Variants in TYK2 observed in about 807,000 individuals in gnomAD.
The protein encoded by TYK2 is non-receptor tyrosine-protein kinase TYK2.
A neutral mutation model predicts 130.9 loss-of-function variants in TYK2; 65 were observed. The ratio of observed to expected loss-of-function variants is 0.50; its 90% CI spans 0.41 to 0.61. TYK2 has a LOEUF of 0.61. Ranked by LOEUF, TYK2 falls within the 20% of genes least tolerant of loss-of-function variation. The pLI, the probability that TYK2 is intolerant of heterozygous loss-of-function variation, is 0.00. For missense variants in TYK2, 1,378 were observed against 1,610.7 expected, an observed-to-expected ratio of 0.86 and a Z score of 2.47; for synonymous variants, 647 against 658.9, an observed-to-expected ratio of 0.98 and a Z score of 0.28.
rs752284825 is a variant in TYK2, at chr19:10,365,589, G to C, written c.939C>G (p.Thr313=). ...CAGTGCCTGTCACCAGCACCTCGTG[G>C]GTTGGGGGCCCAGCAGCAGACTCAG... is the stretch of plus-strand genomic sequence containing the variant. The part of the protein sequence containing the change: ...PGPESAAGPP[T]HEVLVTGTGG... The change falls in exon 7 of 25, where the codon ACC becomes ACG. Residue 313 remains threonine, a synonymous_variant. Transcript: ENST00000525621. 5 of 1,614,002 alleles carry C rather than the reference G, an allele frequency of 3.1e-6. No homozygotes were observed. Among genetic ancestry groups the C allele is most frequent in the Non-Finnish European group, 4.2e-6 (5 of 1,180,038 alleles).
chr19:10,356,059 A>G (rs546589735), intron 18 of TYK2, among the ~76,000 whole-genome samples: 2 of 151,818 alleles, frequency 1.3e-5, no homozygotes, highest in South Asian at 2.1e-4. Flanking sequence ...TCTCTAATCC[A>G]AAGAAGTTGT....
At chr19:10,357,515 G>A (rs1019888846) in intron 17 of TYK2, 1 of 711,976 alleles carries the variant, frequency 1.4e-6, no homozygotes, top group Non-Finnish European at 2.5e-6. Context: ...CGCTGCCCTG[G>A]TCACTCTGCC....
chr19:10,354,471 C>A (rs764013489), intron 19 of TYK2, 41 bp downstream of exon 19: 1 of 1,583,826 alleles, frequency 6.3e-7, no homozygotes, highest in Non-Finnish European at 8.7e-7. Flanking sequence ...AACTCCTTCC[C>A]GACCAGGCGG....
At position 10,362,127 on chromosome 19, in the gene TYK2, T is replaced by C. The variant is rs1568334430; in HGVS notation, c.1724A>G (p.Asn575Ser). The C allele has an allele frequency of 6.2e-7, 1 of 1,613,910 alleles. No homozygotes were observed. The highest frequency in any genetic ancestry group is 8.5e-7 in the Non-Finnish European group (1 of 1,179,968). ...RGARASPRTL[N>S]LSQLSFHRVD... ...CCGGTGGAAGCTGAGCTGGCTGAGG[T>C]TGAGTGTCCTGGGGCTGGCCCGAGC... Residue 575 changes from asparagine (N) to serine (S), a missense_variant, in exon 12 of 25, where the codon AAC becomes AGC. Asn to Ser is a conservative substitution (Grantham distance 46). Transcript: ENST00000525621.
At chr19:10,377,358 GGATGGATGGATGGATA>G (rs1220190415) in intron 3 of TYK2, among the ~76,000 whole-genome samples, 1 of 149,484 alleles carries the variant, frequency 6.7e-6, no homozygotes, top group Non-Finnish European at 1.5e-5. Flanking sequence ...ATGGATGGAT[GGATGGATGGATGGATA>G]GATGGATGAA....
In TYK2 at chr19:10,352,456, TCA is replaced by T. The variant is rs1453713240; in HGVS notation, c.3294_3295del (p.Cys1098Ter). On this transcript the variant is annotated stop_gained and frameshift_variant, in exon 23 of 25. Transcript: ENST00000525621. LOFTEE classifies it high-confidence loss of function. ...CACCGTGGGGGGGCTCTGGCTGGAG[TCA>T]CAGTGCGTCAGCAGCTCATACAGGG... The T allele has an allele frequency of 6.2e-7, 1 of 1,609,520 alleles. No individual in the cohort carries two copies. The highest frequency in any genetic ancestry group is 2.2e-5 in the East Asian group (1 of 44,674).
rs886054132 is a variant in TYK2, at chr19:10,354,503, G to A, written c.2715+9C>T. The A allele has an allele frequency of 6.2e-7, 1 of 1,613,502 alleles. No individual in the cohort carries two copies. Among genetic ancestry groups the A allele is most frequent in the Non-Finnish European group, 8.5e-7 (1 of 1,179,532 alleles). On this transcript the variant is annotated intron_variant, in intron 19 of 24. Coordinates refer to ENST00000525621, the MANE Select transcript of TYK2 (RefSeq NM_003331.5). ...GCGGGCCTTTTAGCAGCTCAGGCCC[G>A]TCCCTCACCTCGCCCAGATCTCGGA...
intron 18 of TYK2, among the ~76,000 whole-genome samples, chr19:10,355,793 C>T (rs1477141672): frequency 6.6e-6 from 1 of 150,766 alleles, no homozygotes; most frequent in Non-Finnish European, 1.5e-5. Context: ...GAATTCCCGT[C>T]TCTACTAAAA....
At chr19:10,365,435 C>G in intron 7 of TYK2, 82 bp downstream of exon 7, 1 of 1,594,608 alleles carries the variant, frequency 6.3e-7, no homozygotes, top group East Asian at 2.2e-5. Context: ...CAGCCACCCT[C>G]AGAGGCTAGG....
intron 23 of TYK2, among the ~76,000 whole-genome samples, chr19:10,351,803 A>G (rs1423235323): frequency 6.6e-6 from 1 of 151,812 alleles, no homozygotes; most frequent in African/African-American, 2.4e-5. Context: ...CAGTGGCATG[A>G]TCTCGGCTCA....
At position 10,353,034 on chromosome 19, in the gene TYK2, A is replaced by G; in HGVS notation, c.3092T>C (p.Leu1031Pro). The G allele has an allele frequency of 6.3e-7, 1 of 1,598,018 alleles. No homozygotes were observed. The change falls in exon 22 of 25, where the codon CTG becomes CCG. Residue 1031 changes from leucine (L) to proline (P), a missense_variant. Leu to Pro is a moderately conservative substitution (Grantham distance 98). Coordinates refer to ENST00000525621, the MANE Select transcript of TYK2 (RefSeq NM_003331.5). The surrounding 1 kb of genome is among the most constrained non-coding windows in gnomAD (Gnocchi z 6.9). ...GATCTTGACCAGCCTGTCGTTGTCC[A>G]GCAGCACGTTGCGCGCGGCTAGGTC... Reference protein sequence around the residue: ...HRDLAARNVLLDNDRLVKIGD... With the variant: ...HRDLAARNVLPDNDRLVKIGD...
At position 10,350,903 on chromosome 19, in the gene TYK2, G is replaced by A. The variant is rs759452764; in HGVS notation, c.3495C>T (p.Leu1165=). The change falls in exon 25 of 25, where the codon CTC becomes CTT. Residue 1165 remains leucine, a synonymous_variant. Transcript: ENST00000525621. ...EASFRPTFEN[L]IPILKTVHEK... ...CATGGACTGTCTTCAGAATGGGTAT[G>A]AGGTTCTCGAAGGTTGGGCGAAAGG... is the stretch of plus-strand genomic sequence containing the variant. 1.2e-6 allele frequency: 2 copies of A among 1,614,204 alleles called. No individual in the cohort carries two copies. Among genetic ancestry groups the A allele is most frequent in the African/African-American group, 1.3e-5 (1 of 75,064 alleles).
Position 10,358,149 on chromosome 19 carries a change from C to A in TYK2, c.2176-11G>T. On this transcript the variant is annotated splice_polypyrimidine_tract_variant and intron_variant, in intron 15 of 24. Coordinates refer to ENST00000525621, the MANE Select transcript of TYK2 (RefSeq NM_003331.5). Reference sequence around the variant, plus strand: ...CAGGTTCTTGTTCTCCTGAGGTGGGCAGGAGAGGGGGTGTGGCCACTCAGG... The same window carrying A: ...CAGGTTCTTGTTCTCCTGAGGTGGGAAGGAGAGGGGGTGTGGCCACTCAGG... 6.2e-7 allele frequency: 1 copy of A among 1,601,032 alleles called. No homozygotes were observed. Among genetic ancestry groups the A allele is most frequent in the East Asian group, 2.3e-5 (1 of 44,434 alleles).
At chr19:10,357,068 T>C (rs12720305) in intron 17 of TYK2, 5,273 of 414,356 alleles carry the variant, frequency 0.013, 232 homozygotes, top group African/African-American at 0.097. Context: ...TAGCCAGGCT[T>C]GTTGGCATAA....
intron 14 of TYK2, among the ~76,000 whole-genome samples, chr19:10,359,603 T>C (rs950435729): frequency 2.0e-5 from 3 of 151,884 alleles, no homozygotes; most frequent in African/African-American, 7.3e-5. Context: ...CCCAGCACTT[T>C]GGGAGGCTGA....
chr19:10,368,871 C>T (rs942523374), intron 3 of TYK2: 18 of 199,994 alleles, frequency 9.0e-5, no homozygotes, highest in East Asian at 3.6e-4. Context: ...AGCAGTGACA[C>T]GATCTTGGCT....
Position 10,362,667 on chromosome 19 carries a change from G to T in TYK2, c.1368-10C>A. 6.4e-7 allele frequency: 1 copy of T among 1,550,582 alleles called. No individual in the cohort carries two copies. ...CTGCACAAATGGCTCCCTGGAAGGT[G>T]GTCCAGGGGGACTATCAGGCCACCT... On this transcript the variant is annotated splice_polypyrimidine_tract_variant and intron_variant, in intron 9 of 24. Transcript: ENST00000525621.
rs1004598854 is a variant in TYK2 at position 10,365,981 on chromosome 19, C to CT, written c.630-84dup. 1.1e-5 allele frequency: 15 copies of CT among 1,405,276 alleles called. No homozygotes were observed. In the Admixed American group the frequency reaches 3.5e-4, roughly 33 times the overall value. 87.1% of individuals were successfully genotyped at this position (1,405,276 alleles called of 1,614,324 possible). ...TGACACAGGGCAAGTGGCTTAACCT[C>CT]TTTGAGCCTCAGCTGCCTCATCTGG... On this transcript the variant is annotated intron_variant, in intron 6 of 24. Coordinates refer to ENST00000525621, the MANE Select transcript of TYK2 (RefSeq NM_003331.5).
rs554315606 is a variant in TYK2, at chr19:10,353,291, C to G, written c.3028-193G>C. On this transcript the variant is annotated intron_variant, in intron 21 of 24. Transcript: ENST00000525621. This position sits in a 1 kb window ranked among gnomAD's most constrained non-coding sequence, Gnocchi z 6.9. ...GCCAGAAAGCAGGGACGGGGCTAGA[C>G]GAGCAAAGCTGGGCAGGAGGGCGAG... The G allele has an allele frequency of 3.5e-6, 2 of 579,622 alleles. No homozygotes were observed. Among genetic ancestry groups the G allele is most frequent in the African/African-American group, 1.9e-5 (1 of 52,820 alleles). 35.9% of individuals were successfully genotyped at this position (579,622 alleles called of 1,614,324 possible). A position where few individuals can be genotyped will look rare whatever the true frequency, so the allele number is the denominator to read the frequency against.
Sources: allele counts gnomAD v4.1 joint callset (sites outside exome capture counted in the v4.1 genomes callset), GRCh38; gene constraint gnomAD v4.1.1; non-coding constraint Gnocchi (gnomAD v3.1); transcripts MANE v1.5; gene names NCBI Gene and HGNC (gene_info 2026-07-23, HGNC 2026-07-21).